The following ARHGAP42 variants were observed in gnomAD, a reference collection of about 807,000 sequenced individuals.
The protein encoded by ARHGAP42 is Rho GTPase activating protein 42, also known as rho GTPase-activating protein 42.
ARHGAP42 carries 63 observed loss-of-function variants against 125.0 expected under a neutral mutation model. The ratio of observed to expected loss-of-function variants is 0.50; its 90% confidence interval spans 0.41 to 0.62. ARHGAP42 has a LOEUF of 0.62. ARHGAP42 is among the 20% of genes least tolerant of loss of function. The pLI is 0.00. For synonymous variants in ARHGAP42, 339 were observed against 351.0 expected (o/e 0.97, Z 0.38); for missense variants, 766 against 1,024.2 (o/e 0.75, Z 3.44).
At chr11:100,898,728 C>G (rs547709818) in intron 4 of ARHGAP42, among the ~76,000 whole-genome samples, 20 of 152,090 alleles carry the variant, frequency 1.3e-4, no homozygotes, top group Middle Eastern at 3.4e-3. Flanking sequence ...TGATTCTTCT[C>G]TCCTTTCTTC....
At chr11:100,783,318 C>T (rs1286415018) in intron 2 of ARHGAP42, among the ~76,000 whole-genome samples, 2 of 152,132 alleles carry the variant, frequency 1.3e-5, no homozygotes, top group East Asian at 1.9e-4. Flanking sequence ...CACCTGTAGT[C>T]CCAGCTACTT....
At chr11:100,754,554 G>A (rs761581468) in intron 1 of ARHGAP42, among the ~76,000 whole-genome samples, 1 of 152,148 alleles carries the variant, frequency 6.6e-6, no homozygotes, top group Non-Finnish European at 1.5e-5. Flanking sequence ...ACATGATTCA[G>A]GTTAGCTTTA....
intron 1 of ARHGAP42, among the ~76,000 whole-genome samples, chr11:100,733,956 A>G (rs1222378679): frequency 1.5e-5 from 2 of 133,516 alleles, no homozygotes; most frequent in South Asian, 2.6e-4. Flanking sequence ...TTTTTTTTAA[A>G]TGGAGTCTAG....
chr11:100,985,626 C>T lies in ARHGAP42; in HGVS notation c.2457-1887C>T, dbSNP rs559526493. On this transcript the variant is annotated intron_variant, in intron 22 of 23. Coordinates refer to ENST00000298815, the MANE Select transcript of ARHGAP42 (RefSeq NM_152432.4). Reference sequence around the variant, plus strand: ...TCCTGTCCTTCTCTGAGTGCCTCTACTTCCTCAGTTCTTCCTTAGACCATG... The same window carrying T: ...TCCTGTCCTTCTCTGAGTGCCTCTATTTCCTCAGTTCTTCCTTAGACCATG... Among the ~76,000 whole-genome samples the T allele has an allele frequency of 3.9e-5, 6 of 152,300 alleles. No homozygotes were observed. The East Asian group carries it at 7.7e-4, about 20-fold the overall frequency.
At chr11:100,774,196 G>A (rs1428096944) in intron 2 of ARHGAP42, among the ~76,000 whole-genome samples, 1 of 152,210 alleles carries the variant, frequency 6.6e-6, no homozygotes, top group East Asian at 1.9e-4. Context: ...GGAAGATTAT[G>A]AGATTACACC....
intron 22 of ARHGAP42, among the ~76,000 whole-genome samples, chr11:100,980,386 G>A (rs1361859021): frequency 6.6e-6 from 1 of 151,674 alleles, no homozygotes; most frequent in Non-Finnish European, 1.5e-5. Context: ...CCTTTTATTA[G>A]GAAGCTCTAA....
intron 3 of ARHGAP42, among the ~76,000 whole-genome samples, chr11:100,849,183 G>A (rs1357555867): frequency 2.6e-5 from 4 of 152,022 alleles, no homozygotes; most frequent in Non-Finnish European, 5.9e-5. Flanking sequence ...AATGTTGTTT[G>A]TCATATGTTT....
At chr11:100,791,941 G>T (rs1303642043) in intron 2 of ARHGAP42, among the ~76,000 whole-genome samples, 1 of 152,196 alleles carries the variant, frequency 6.6e-6, no homozygotes, top group Admixed American at 6.5e-5. Context: ...AAACAAAAAA[G>T]TAGAATAGCA....
chr11:100,849,445 TGGGA>T (rs1471935302), intron 3 of ARHGAP42, among the ~76,000 whole-genome samples: 1 of 152,192 alleles, frequency 6.6e-6, no homozygotes, highest in Non-Finnish European at 1.5e-5. Flanking sequence ...CTCAAACGCC[TGGGA>T]AAGTTTGAAA....
At chr11:100,724,465 G>A (rs1861819984) in intron 1 of ARHGAP42, among the ~76,000 whole-genome samples, 1 of 151,978 alleles carries the variant, frequency 6.6e-6, no homozygotes, top group Non-Finnish European at 1.5e-5. Context: ...TCTTTTTCGG[G>A]AGGTTTTTAG....
At chr11:100,966,961 C>T (rs1299813849) in intron 17 of ARHGAP42, among the ~76,000 whole-genome samples, 1 of 152,048 alleles carries the variant, frequency 6.6e-6, no homozygotes, top group Non-Finnish European at 1.5e-5. Flanking sequence ...AGTAATAACC[C>T]AATTTATGCT....
chr11:100,969,150 C>CT (rs924337549), intron 17 of ARHGAP42, among the ~76,000 whole-genome samples: 6 of 151,486 alleles, frequency 4.0e-5, no homozygotes, highest in Admixed American at 6.6e-5. Flanking sequence ...AGTTGGCAGA[C>CT]TTTTTTTTTC....
chr11:100,842,586 G>A (rs1175211425), intron 3 of ARHGAP42, among the ~76,000 whole-genome samples: 8 of 152,024 alleles, frequency 5.3e-5, no homozygotes, highest in South Asian at 4.1e-4. Flanking sequence ...GAAAGAAGGC[G>A]TAGAAATCAT....
chr11:100,749,316 C>G (rs981716420), intron 1 of ARHGAP42, among the ~76,000 whole-genome samples: 1 of 151,140 alleles, frequency 6.6e-6, no homozygotes, highest in Non-Finnish European at 1.5e-5. Context: ...CCAGAAGCCT[C>G]AACCCCTCAA....
chr11:100,768,170 C>T (rs999309359), intron 1 of ARHGAP42, among the ~76,000 whole-genome samples: 1 of 152,098 alleles, frequency 6.6e-6, no homozygotes, highest in Non-Finnish European at 1.5e-5. Context: ...GTAAGGAAGA[C>T]TTTATTCAGG....
chr11:100,912,923 G>C lies in ARHGAP42; in HGVS notation c.385-529G>C, dbSNP rs138187602. ...AGCATTTAAAAATCTTCTCCTCCAT[G>C]TCAAGAATGAGTTGTTTGATATTTC... On this transcript the variant is annotated intron_variant, in intron 4 of 23. Coordinates refer to ENST00000298815, the MANE Select transcript of ARHGAP42 (RefSeq NM_152432.4). 7.2e-3 allele frequency among the ~76,000 whole-genome samples: 1,103 copies of C among 152,248 alleles called. 18 individuals carry two copies. The highest frequency in any genetic ancestry group is 0.025 in the African/African-American group (1,032 of 41,548).
chr11:100,964,461 G>C (rs1264806410), intron 16 of ARHGAP42, among the ~76,000 whole-genome samples: 1 of 152,132 alleles, frequency 6.6e-6, no homozygotes, highest in Non-Finnish European at 1.5e-5. Context: ...TGCTAGGTTA[G>C]ACCTCATGTT....
intron 12 of ARHGAP42, among the ~76,000 whole-genome samples, chr11:100,956,331 T>TCAA (rs1857803582): frequency 6.6e-6 from 1 of 152,168 alleles, no homozygotes; most frequent in Admixed American, 6.6e-5. Context: ...TCTCAGAGGC[T>TCAA]GATGACAATA....
At chr11:100,977,058 A>T in intron 21 of ARHGAP42, 87 bp downstream of exon 21, 1 of 1,427,006 alleles carries the variant, frequency 7.0e-7, no homozygotes, top group Non-Finnish European at 9.5e-7. Flanking sequence ...GAATCCCACA[A>T]GTTGAATACA....
Sources: gnomAD v4.1 joint callset for allele counts (sites outside exome capture counted in the v4.1 genomes callset) on GRCh38, gnomAD v4.1.1 for gene constraint, MANE v1.5 for transcripts, NCBI Gene and HGNC (gene_info 2026-07-23, HGNC 2026-07-21) for gene names.